Variants in GET1 observed in about 807,000 individuals in gnomAD.
GET1 encodes the protein congenital heart disease 5 protein.
Under a neutral mutation model 22.6 loss-of-function variants are expected in GET1, and 20 were observed. The ratio of observed to expected loss-of-function variants is 0.89; its 90% CI spans 0.62 to 1.29. The LOEUF is 1.29. Among genes scored for constraint, GET1 ranks in the 50% most tolerant of loss-of-function variants. GET1 has a pLI of 0.00. For synonymous variants in GET1, 92 were observed against 83.8 expected (o/e 1.10, Z -0.53); for missense variants, 209 against 219.9 (o/e 0.95, Z 0.31).
downstream of GET1, chr21:39,410,941 A>G (rs1468199579): frequency 6.4e-6 from 3 of 470,974 alleles, no homozygotes; most frequent in East Asian, 1.4e-4. Context: ...AACAGAGGTG[A>G]GTATTCCTAT....
intron 1 of GET1, among the ~76,000 whole-genome samples, chr21:39,412,282 CTA>C (rs2040220801): frequency 2.6e-5 from 4 of 152,268 alleles, no homozygotes; most frequent in African/African-American, 9.6e-5. Context: ...ATAGAAAGTT[CTA>C]TGAGACAGGG....
rs2074542138 is a variant in GET1, at chr21:39,425,630, T to C, written c.*24-2602T>C. ...CCGTACACTTTAATACTCTGGGCAC[T>C]GGCTAGGGAAGCTCTAGACCCAGGC... On this transcript the variant is annotated intron_variant, in intron 1 of 1. Coordinates refer to the GET1 transcript ENST00000478273. Among the ~76,000 whole-genome samples the C allele has an allele frequency of 2.0e-5, 3 of 152,124 alleles. No homozygotes were observed. In the South Asian group the frequency reaches 6.2e-4, roughly 32 times the overall value.
intron 1 of GET1, chr21:39,414,121 G>A (rs1311733455): frequency 1.3e-5 from 2 of 152,246 alleles, no homozygotes; most frequent in Non-Finnish European, 2.9e-5. Context: ...CTAACCCGTG[G>A]CTGGGAGTGT....
At chr21:39,383,091 C>G (rs2037659916) in intron 1 of GET1, among the ~76,000 whole-genome samples, 2 of 151,564 alleles carry the variant, frequency 1.3e-5, no homozygotes, top group South Asian at 4.2e-4. Flanking sequence ...GCTGGGACTA[C>G]AGGTGCCCAC....
At chr21:39,390,949 T>C in intron 2 of GET1, 86 bp downstream of exon 2, 1 of 1,450,672 alleles carries the variant, frequency 6.9e-7, no homozygotes. Flanking sequence ...ATACATACTT[T>C]GCTTCTTGGA....
chr21:39,406,089 G>T, exon 5 of GET1: 1 of 1,614,152 alleles, frequency 6.2e-7, no homozygotes, highest in Non-Finnish European at 8.5e-7. Flanking sequence ...CTGATCCAAA[G>T]AGTTCTTCCA....
chr21:39,407,078 T>C (rs1488753705), downstream of GET1, among the ~76,000 whole-genome samples: 1 of 152,034 alleles, frequency 6.6e-6, no homozygotes. Context: ...AATACAAAAA[T>C]TAGCTGGGTG....
At chr21:39,396,782 C>G (rs2038684723) in intron 4 of GET1, 84 bp from the exon 5 acceptor site, 1 of 1,243,942 alleles carries the variant, frequency 8.0e-7, no homozygotes, top group Non-Finnish European at 1.2e-6. Context: ...GAAATACTCT[C>G]TTTGCTGTGA....
chr21:39,418,506 T>C (rs2041699511), intron 1 of GET1, among the ~76,000 whole-genome samples: 1 of 152,134 alleles, frequency 6.6e-6, no homozygotes, highest in Admixed American at 6.5e-5. Context: ...TTTTATTTTT[T>C]TTAAATTTTT....
At chr21:39,416,404 C>G (rs1254433172) in intron 1 of GET1, among the ~76,000 whole-genome samples, 1 of 152,232 alleles carries the variant, frequency 6.6e-6, no homozygotes, top group African/African-American at 2.4e-5. Flanking sequence ...CCTTTTGATA[C>G]TACCCTAATG....
chr21:39,403,835 T>C (rs1478408576), intron 4 of GET1, among the ~76,000 whole-genome samples: 1 of 151,888 alleles, frequency 6.6e-6, no homozygotes, highest in Non-Finnish European at 1.5e-5. Context: ...TTGGTCAGGC[T>C]GGTCTCGAAC....
At chr21:39,403,044 T>A (rs1398116980) in intron 4 of GET1, among the ~76,000 whole-genome samples, 1 of 152,178 alleles carries the variant, frequency 6.6e-6, no homozygotes, top group Admixed American at 6.6e-5. Flanking sequence ...TAAGAAAAGA[T>A]CCCTTGGAAA....
chr21:39,422,823 GC>G (rs1293903150), intron 1 of GET1: 2 of 705,930 alleles, frequency 2.8e-6, no homozygotes, highest in Non-Finnish European at 4.7e-6. Flanking sequence ...CCCTTTCTGT[GC>G]CCTCTATTAG....
chr21:39,381,113 CAA>C (rs2037531200), intron 1 of GET1, among the ~76,000 whole-genome samples: 1 of 152,100 alleles, frequency 6.6e-6, no homozygotes, highest in African/African-American at 2.4e-5. Context: ...GAGTCTGGCT[CAA>C]GAGAATTTAG....
intron 4 of GET1, among the ~76,000 whole-genome samples, chr21:39,403,972 C>T (rs981386268): frequency 6.6e-6 from 1 of 152,254 alleles, no homozygotes; most frequent in African/African-American, 2.4e-5. Flanking sequence ...TTCGCCCAGG[C>T]TGGAGTGCAG....
chr21:39,422,337 T>G (rs2073910926), intron 1 of GET1: 1 of 152,310 alleles, frequency 6.6e-6, no homozygotes, highest in African/African-American at 2.4e-5. Context: ...CAATGCCTTC[T>G]CCCAAGTCAT....
Position 39,405,967 on chromosome 21 carries a change from T to C in GET1, c.403T>C (p.Trp135Arg). The C allele has an allele frequency of 6.2e-7, 1 of 1,614,152 alleles. No homozygotes were observed. ...AGTTACTTTAGAGTCTCCGAAAGCATGGCTGGTGGAGGCCTGACTGGGAGG... is the reference window on the plus strand; with the variant it reads ...AGTTACTTTAGAGTCTCCGAAAGCACGGCTGGTGGAGGCCTGACTGGGAGG... Residue 135 changes from tryptophan (W) to arginine (R), a missense_variant, in exon 5 of 5, where the codon TGG becomes CGG. Coordinates refer to the GET1 transcript ENST00000415847.
chr21:39,405,852 A>C, intron 4 of GET1: 2 of 1,470,552 alleles, frequency 1.4e-6, no homozygotes, highest in Non-Finnish European at 1.8e-6. Flanking sequence ...CATTATATCA[A>C]ACCAGAATGC....
At position 39,428,027 on chromosome 21, in the gene GET1, T is replaced by G. The variant is rs1321058435; in HGVS notation, c.*24-205T>G. The G allele has an allele frequency of 1.2e-5, 7 of 597,698 alleles. 1 individual carries two copies. Among genetic ancestry groups the G allele is most frequent in the Non-Finnish European group, 1.5e-5 (5 of 331,230 alleles). The allele number at this position is 597,698 out of a possible 1,614,324, so 37.0% of individuals were successfully genotyped here. Reference sequence around the variant, plus strand: ...ACTCTTAATTTCTCTATTTCCTAATTTATTCTATAAAAGTTCACCTATAAT... The same window carrying G: ...ACTCTTAATTTCTCTATTTCCTAATGTATTCTATAAAAGTTCACCTATAAT... On this transcript the variant is annotated intron_variant, in intron 1 of 1. Coordinates refer to the GET1 transcript ENST00000478273.
Sources: gnomAD v4.1 joint callset for allele counts (sites outside exome capture counted in the v4.1 genomes callset) on GRCh38, gnomAD v4.1.1 for gene constraint, MANE v1.5 for transcripts, NCBI Gene and HGNC (gene_info 2026-07-23, HGNC 2026-07-21) for gene names.